Variants in CNOT2 observed in about 807,000 individuals in gnomAD.
CNOT2 encodes the protein CCR4-NOT transcription complex subunit 2.
A neutral mutation model predicts 72.1 loss-of-function variants in CNOT2; 7 were observed. The ratio of observed to expected loss-of-function variants is 0.10; its 90% CI spans 0.06 to 0.18. The LOEUF (loss-of-function observed/expected upper bound fraction) is 0.18. CNOT2 is among the 10% of genes least tolerant of loss of function. The pLI is 1.00. For missense variants in CNOT2, 345 were observed against 660.3 expected (o/e 0.52, Z 5.23); for synonymous variants, 196 against 225.6 (o/e 0.87, Z 1.17).
At chr12:70,265,328 T>TCTTCTCTTCTCTTC (rs1565743571) in intron 1 of CNOT2, among the ~76,000 whole-genome samples, 9 of 49,234 alleles carry the variant, frequency 1.8e-4, no homozygotes, top group African/African-American at 4.4e-4. Context: ...CTCTTCTCTT[T>TCTTCTCTTCTCTTC]CTTTCTTTTT....
chr12:70,291,301 T>C (rs907128102), intron 2 of CNOT2, among the ~76,000 whole-genome samples: 1 of 152,212 alleles, frequency 6.6e-6, no homozygotes, highest in Admixed American at 6.5e-5. Context: ...AAAGACATTA[T>C]AATAAATGTG....
chr12:70,321,184 C>T (rs1466521511), intron 4 of CNOT2, among the ~76,000 whole-genome samples: 2 of 151,754 alleles, frequency 1.3e-5, no homozygotes, highest in Non-Finnish European at 2.9e-5. Context: ...TTTAAAATGA[C>T]ATTTTAAGTG....
chr12:70,281,019 A>G (rs1869725923), intron 2 of CNOT2, among the ~76,000 whole-genome samples: 2 of 151,786 alleles, frequency 1.3e-5, no homozygotes, highest in African/African-American at 4.8e-5. Context: ...TACCCTAGCT[A>G]TGAGCATGCA....
At chr12:70,322,857 T>C (rs1268888968) in intron 4 of CNOT2, 1 of 151,802 alleles carries the variant, frequency 6.6e-6, no homozygotes, top group Non-Finnish European at 1.5e-5. Flanking sequence ...GTAGGACCAT[T>C]GAACAGATAC....
intron 2 of CNOT2, among the ~76,000 whole-genome samples, chr12:70,304,770 A>T (rs1199238387): frequency 1.3e-5 from 2 of 152,236 alleles, no homozygotes; most frequent in Non-Finnish European, 2.9e-5. Flanking sequence ...CTGCCCCCAG[A>T]GGTGGAGCCT....
intron 15 of CNOT2, among the ~76,000 whole-genome samples, chr12:70,348,792 G>T (rs1325999005): frequency 6.6e-6 from 1 of 151,886 alleles, no homozygotes; most frequent in South Asian, 2.1e-4. Flanking sequence ...CAATTCCTCA[G>T]TCAGGTAAAT....
intron 4 of CNOT2, chr12:70,327,543 T>C (rs1053748936): frequency 6.6e-6 from 1 of 151,822 alleles, no homozygotes; most frequent in Admixed American, 6.6e-5. Flanking sequence ...CTTACCTGTG[T>C]GTAAAATGGG....
At chr12:70,351,525 A>G (rs1274461561) in intron 15 of CNOT2, among the ~76,000 whole-genome samples, 3 of 152,202 alleles carry the variant, frequency 2.0e-5, no homozygotes, top group Non-Finnish European at 2.9e-5. Context: ...CTAAATCTCT[A>G]TATCAAAATT....
intron 3 of CNOT2, among the ~76,000 whole-genome samples, chr12:70,317,611 AT>A (rs529433652): frequency 0.18 from 19,114 of 105,282 alleles, 1,566 homozygotes; most frequent in African/African-American, 0.3. Context: ...ATAAGGTTTG[AT>A]TTTTTTTTTT....
At chr12:70,353,497 G>A (rs949903664) in intron 15 of CNOT2, among the ~76,000 whole-genome samples, 3 of 152,040 alleles carry the variant, frequency 2.0e-5, no homozygotes, top group Non-Finnish European at 4.4e-5. Flanking sequence ...TAAATATCCT[G>A]TAATTTCCAG....
intron 1 of CNOT2, among the ~76,000 whole-genome samples, chr12:70,246,058 G>A (rs1957862898): frequency 3.3e-5 from 5 of 152,064 alleles, no homozygotes; most frequent in Admixed American, 3.3e-4. Context: ...CTTTTCTAGT[G>A]ACAGACTTAC....
chr12:70,276,369 A>G (rs1868806249), intron 1 of CNOT2, among the ~76,000 whole-genome samples: 1 of 152,014 alleles, frequency 6.6e-6, no homozygotes, highest in South Asian at 2.1e-4. Context: ...AATATTATAT[A>G]AGAAGGAAAA....
chr12:70,267,384 C>T (rs951392450), intron 1 of CNOT2, among the ~76,000 whole-genome samples: 1 of 152,208 alleles, frequency 6.6e-6, no homozygotes, highest in Non-Finnish European at 1.5e-5. Context: ...ACATGGTCTT[C>T]TTTCTCTTCC....
At chr12:70,314,897 C>A (rs992454166) in intron 3 of CNOT2, among the ~76,000 whole-genome samples, 1 of 151,858 alleles carries the variant, frequency 6.6e-6, no homozygotes, top group African/African-American at 2.4e-5. Flanking sequence ...GAATTTCGCT[C>A]TTGTTGCCCA....
At chr12:70,330,647 G>A in intron 6 of CNOT2, 178 bp downstream of exon 6, 1 of 450,996 alleles carries the variant, frequency 2.2e-6, no homozygotes, top group Non-Finnish European at 3.9e-6. Flanking sequence ...TTGAAAATCA[G>A]GTTGATTTTG....
chr12:70,283,647 TAAAAAA>T (rs34501610), intron 2 of CNOT2, among the ~76,000 whole-genome samples: 8 of 122,910 alleles, frequency 6.5e-5, no homozygotes, highest in East Asian at 2.3e-4. Context: ...AGAATGAGTT[TAAAAAA>T]AAAAAAAAAA....
At chr12:70,323,967 G>A (rs1289407023) in intron 4 of CNOT2, 4 of 151,644 alleles carry the variant, frequency 2.6e-5, no homozygotes, top group African/African-American at 4.8e-5. Flanking sequence ...TATCAGATGC[G>A]ATTTTAAGTA....
At chr12:70,319,425 A>C in intron 4 of CNOT2, 61 bp downstream of exon 4, 1 of 1,470,322 alleles carries the variant, frequency 6.8e-7, no homozygotes, top group Non-Finnish European at 9.5e-7. Flanking sequence ...GTAACTACCA[A>C]ATAAAGAACA....
rs1219396158 is a variant in CNOT2, at chr12:70,335,433, T to C, written c.650-5T>C. ...CAATAACCAGTGTCCTTTCTTATTATTTAGACGGAAGTGAAAATGTGACAG... is the reference window on the plus strand; with the variant it reads ...CAATAACCAGTGTCCTTTCTTATTACTTAGACGGAAGTGAAAATGTGACAG... On this transcript the variant is annotated splice_polypyrimidine_tract_variant and splice_region_variant and intron_variant, in intron 7 of 15. Transcript: ENST00000229195. 2 of 1,592,020 alleles carry C rather than the reference T, an allele frequency of 1.3e-6. No homozygotes were observed. Among genetic ancestry groups the C allele is most frequent in the East Asian group, 2.2e-5 (1 of 44,710 alleles).
Sources: allele counts gnomAD v4.1 joint callset (sites outside exome capture counted in the v4.1 genomes callset), GRCh38; gene constraint gnomAD v4.1.1; transcripts MANE v1.5; gene names NCBI Gene and HGNC (gene_info 2026-07-23, HGNC 2026-07-21).